The following SLC26A4 variants were observed in gnomAD, a reference collection of about 807,000 sequenced individuals.
SLC26A4 encodes pendrin.
Under a neutral mutation model 90.4 loss-of-function variants are expected in SLC26A4, and 93 were observed. The ratio of observed to expected loss-of-function variants is 1.03; its 90% CI spans 0.87 to 1.22. SLC26A4 has a LOEUF of 1.22. Among genes scored for constraint, SLC26A4 ranks in the 50% most tolerant of loss-of-function variants. The probability of loss-of-function intolerance (pLI) is 0.00; values close to 1 mark genes in which losing one functional copy is unlikely to be tolerated. For missense variants in SLC26A4, 1,127 were observed against 946.2 expected, an observed-to-expected ratio of 1.19 and a Z score of -2.51; for synonymous variants, 393 against 354.6, an observed-to-expected ratio of 1.11 and a Z score of -1.22.
chr7:107,707,845 G>A (rs1453766045), intron 18 of SLC26A4, among the ~76,000 whole-genome samples: 1 of 152,110 alleles, frequency 6.6e-6, no homozygotes, highest in Non-Finnish European at 1.5e-5. Flanking sequence ...ACATCCCAAA[G>A]TTAGTTCAAG....
rs767477168 is a variant in SLC26A4, at chr7:107,675,045, C to A, written c.701C>A (p.Ser234Ter). ...TTAAAFQVLVSQLKIVLNVST... is the reference protein window; with the variant it reads ...TTAAAFQVLV ...GCTGCTGCCTTCCAAGTGCTGGTCT[C>A]ACAGCTAAAGATTGTCCTCAATGTT... The change falls in exon 6 of 21, where the codon TCA becomes TAA. Residue 234 changes from serine to a stop codon, truncating the protein, a stop_gained. Transcript: ENST00000644269. LOFTEE classifies it high-confidence loss of function. 6.2e-7 allele frequency: 1 copy of A among 1,614,030 alleles called. No homozygotes were observed. Among genetic ancestry groups the A allele is most frequent in the Admixed American group, 1.7e-5 (1 of 60,016 alleles).
chr7:107,674,662 C>T (rs1183621039), intron 5 of SLC26A4, among the ~76,000 whole-genome samples: 1 of 152,176 alleles, frequency 6.6e-6, no homozygotes, highest in Non-Finnish European at 1.5e-5. Context: ...AGCGGAGACA[C>T]AGGACCGAAA....
Position 107,674,342 on chromosome 7 carries a change from T to C in SLC26A4, c.594T>C (p.Ile198=), listed in dbSNP as rs1469698819. ...IASALTLLVG[I]IQLIFGGLQI... is the part of the protein sequence containing the mutation. ...GTGCCCTGACTCTGCTGGTTGGAATTATACAGGTAATGAACTTACAAGTAA... is the reference window on the plus strand; with the variant it reads ...GTGCCCTGACTCTGCTGGTTGGAATCATACAGGTAATGAACTTACAAGTAA... The change falls in exon 5 of 21, where the codon ATT becomes ATC. Residue 198 remains isoleucine, a synonymous_variant. Transcript: ENST00000644269. 2 of 1,609,842 alleles carry C rather than the reference T, an allele frequency of 1.2e-6. No homozygotes were observed. The highest frequency in any genetic ancestry group is 1.7e-6 in the Non-Finnish European group (2 of 1,176,062).
At chr7:107,663,212 A>G in intron 2 of SLC26A4, 84 bp from the exon 3 acceptor site, 2 of 1,372,160 alleles carry the variant, frequency 1.5e-6, no homozygotes, top group Non-Finnish European at 2.1e-6. Context: ...AAACATCAGC[A>G]GAATCCAGTT....
At chr7:107,714,494 G>A (rs1461666035) in intron 20 of SLC26A4, among the ~76,000 whole-genome samples, 1 of 152,102 alleles carries the variant, frequency 6.6e-6, no homozygotes, top group African/African-American at 2.4e-5. Context: ...AGTCATTATC[G>A]ACCTGAGAAG....
At position 107,675,101 on chromosome 7, in the gene SLC26A4, A is replaced by G. The variant is rs773657545; in HGVS notation, c.757A>G (p.Ile253Val). ...STKNYNGVLSIIYTLVEIFQN... is the reference protein window; with the variant it reads ...STKNYNGVLSVIYTLVEIFQN... ...CAAAAACTACAATGGAGTTCTCTCT[A>G]TTATCTATGTAAGTGTTGCTTCTTG... is the stretch of plus-strand genomic sequence containing the variant. The change falls in exon 6 of 21, where the codon ATT becomes GTT. Residue 253 changes from isoleucine to valine, a missense_variant. Coordinates refer to ENST00000644269, the MANE Select transcript of SLC26A4 (RefSeq NM_000441.2). 60 of 1,613,762 alleles carry G rather than the reference A, an allele frequency of 3.7e-5. No homozygotes were observed. In the East Asian group the frequency reaches 4.0e-4, roughly 11 times the overall value.
chr7:107,661,524 A>AT lies in SLC26A4; in HGVS notation c.-3-115_-3-114insT. ...AGGACGCGGACCAGACTCGCGGTGCAGGGGGGCCTGGCTGCAGCTAACAGG... is the reference window on the plus strand; with the variant it reads ...AGGACGCGGACCAGACTCGCGGTGCATGGGGGGCCTGGCTGCAGCTAACAGG... On this transcript the variant is annotated intron_variant, in intron 1 of 20. Coordinates refer to ENST00000644269, the MANE Select transcript of SLC26A4 (RefSeq NM_000441.2). This position sits in a 1 kb window ranked among gnomAD's most constrained non-coding sequence, Gnocchi z 5.1. 2 of 1,177,806 alleles carry AT rather than the reference A, an allele frequency of 1.7e-6. No homozygotes were observed. Among genetic ancestry groups the AT allele is most frequent in the Non-Finnish European group, 2.4e-6 (2 of 825,196 alleles). 73.0% of individuals were successfully genotyped at this position (1,177,806 alleles called of 1,614,324 possible). A position where few individuals can be genotyped will look rare whatever the true frequency, so the allele number is the denominator to read the frequency against.
chr7:107,690,329 T>C, intron 10 of SLC26A4, 92 bp downstream of exon 10: 1 of 822,496 alleles, frequency 1.2e-6, no homozygotes, highest in Non-Finnish European at 2.1e-6. Context: ...CAGGACAATT[T>C]GCCTTTCAGA....
chr7:107,661,919 C>CTCCT lies in SLC26A4; in HGVS notation c.164+114_164+115insTCCT. The CTCCT allele has an allele frequency of 8.3e-7, 1 of 1,210,156 alleles. No individual in the cohort carries two copies. The highest frequency in any genetic ancestry group is 1.1e-6 in the Non-Finnish European group (1 of 889,146). 75.0% of individuals were successfully genotyped at this position (1,210,156 alleles called of 1,614,324 possible). ...GGGTGCGGGCGGCGGAGCCCCTGGG[C>CTCCT]GCCAGCTGCTTCTCCCAGAGGCCCG... On this transcript the variant is annotated intron_variant, in intron 2 of 20. Coordinates refer to ENST00000644269, the MANE Select transcript of SLC26A4 (RefSeq NM_000441.2). This position sits in a 1 kb window ranked among gnomAD's most constrained non-coding sequence, Gnocchi z 5.1.
rs1790566560 is a variant in SLC26A4, at chr7:107,661,873, C to G, written c.164+68C>G. 6.7e-7 allele frequency: 1 copy of G among 1,482,950 alleles called. No homozygotes were observed. The highest frequency in any genetic ancestry group is 1.4e-5 in the African/African-American group (1 of 71,306). The allele number at this position is 1,482,950 out of a possible 1,614,324, so 91.9% of individuals were successfully genotyped here. On this transcript the variant is annotated intron_variant, in intron 2 of 20. Transcript: ENST00000644269. The surrounding 1 kb of genome is among the most constrained non-coding windows in gnomAD (Gnocchi z 5.1). ...CGTCCACGCCTTGGGGAGGGAAGGG[C>G]GTCCCCAGCGGGCGAGAGTGGGGTG...
intron 3 of SLC26A4, among the ~76,000 whole-genome samples, chr7:107,666,403 G>A (rs1440475522): frequency 1.3e-5 from 2 of 152,012 alleles, no homozygotes; most frequent in Non-Finnish European, 2.9e-5. Flanking sequence ...TGTATTTTTT[G>A]TAGAGACAAG....
At chr7:107,693,338 C>G in intron 10 of SLC26A4, 1 of 985,310 alleles carries the variant, frequency 1.0e-6, no homozygotes, top group Non-Finnish European at 1.2e-6. Context: ...ATCATATTGC[C>G]TCAGGCTGAC....
rs750458526 is a variant in SLC26A4 at position 107,674,324 on chromosome 7, G to A, written c.576G>A (p.Leu192=). ...DTARVLIASA[L]TLLVGIIQLI... ...CTAGAGTCCTGATTGCCAGTGCCCT[G>A]ACTCTGCTGGTTGGAATTATACAGG... is the stretch of plus-strand genomic sequence containing the variant. The change falls in exon 5 of 21, where the codon CTG becomes CTA. Residue 192 remains leucine, a synonymous_variant. Coordinates refer to ENST00000644269, the MANE Select transcript of SLC26A4 (RefSeq NM_000441.2). The A allele has an allele frequency of 6.2e-7, 1 of 1,613,560 alleles. No homozygotes were observed. Among genetic ancestry groups the A allele is most frequent in the Non-Finnish European group, 8.5e-7 (1 of 1,179,496 alleles).
At chr7:107,696,817 CAG>C (rs1791756205) in intron 13 of SLC26A4, among the ~76,000 whole-genome samples, 1 of 152,194 alleles carries the variant, frequency 6.6e-6, no homozygotes, top group South Asian at 2.1e-4. Flanking sequence ...TAGAGGGGAA[CAG>C]AGTCTTTCTC....
chr7:107,663,232 G>C (rs1046101091), intron 2 of SLC26A4, 64 bp from the exon 3 acceptor site: 3 of 1,569,786 alleles, frequency 1.9e-6, no homozygotes, highest in African/African-American at 2.7e-5. Flanking sequence ...TCATAACTTT[G>C]TGATTTGCAA....
At chr7:107,662,943 G>T (rs751933163) in intron 2 of SLC26A4, among the ~76,000 whole-genome samples, 1 of 152,072 alleles carries the variant, frequency 6.6e-6, no homozygotes, top group Non-Finnish European at 1.5e-5. Context: ...ATAATAAGGC[G>T]CCTGGATTAG....
rs111033303 is a variant in SLC26A4 at position 107,674,970 on chromosome 7, G to T, written c.626G>T (p.Gly209Val). 1,166 of 1,613,932 alleles carry T rather than the reference G, an allele frequency of 7.2e-4. No homozygotes were observed. The highest frequency in any genetic ancestry group is 9.3e-4 in the Non-Finnish European group (1,096 of 1,179,998). ...TTGATATTTGGTGGCTTGCAGATTGGATTCATAGTGAGGTACTTGGCAGAT... is the reference window on the plus strand; with the variant it reads ...TTGATATTTGGTGGCTTGCAGATTGTATTCATAGTGAGGTACTTGGCAGAT... ...IQLIFGGLQIGFIVRYLADPL... is the reference protein window; with the variant it reads ...IQLIFGGLQIVFIVRYLADPL... The change falls in exon 6 of 21, where the codon GGA (glycine) becomes GTA (valine). Residue 209 changes from glycine to valine, a missense_variant. Physicochemically the swap from Gly to Val is moderately radical, Grantham distance 109 (BLOSUM62 -3). Coordinates refer to ENST00000644269, the MANE Select transcript of SLC26A4 (RefSeq NM_000441.2).
At chr7:107,664,480 C>T (rs1265356333) in intron 3 of SLC26A4, among the ~76,000 whole-genome samples, 1 of 151,920 alleles carries the variant, frequency 6.6e-6, no homozygotes, top group African/African-American at 2.4e-5. Flanking sequence ...GATCCGCCCT[C>T]CTTGGTATCC....
intron 10 of SLC26A4, among the ~76,000 whole-genome samples, chr7:107,690,679 G>A (rs1032277574): frequency 5.3e-5 from 8 of 152,090 alleles, no homozygotes; most frequent in South Asian, 4.2e-4. Context: ...CTCCAGGGGC[G>A]TTTGGTCCCA....
Sources: allele counts gnomAD v4.1 joint callset (sites outside exome capture counted in the v4.1 genomes callset), GRCh38; gene constraint gnomAD v4.1.1; non-coding constraint Gnocchi (gnomAD v3.1); transcripts MANE v1.5; gene names NCBI Gene and HGNC (gene_info 2026-07-23, HGNC 2026-07-21).